The following ZNF316 variants were observed in gnomAD, a reference collection of about 807,000 sequenced individuals.
The protein encoded by ZNF316 is zinc finger protein 316.
A neutral mutation model predicts 75.6 loss-of-function variants in ZNF316; 23 were observed. The ratio of observed to expected loss-of-function variants is 0.30; its 90% CI spans 0.22 to 0.43. ZNF316 has a LOEUF of 0.43. ZNF316 is among the 20% of genes least tolerant of loss of function. The pLI is 1.00. For synonymous variants in ZNF316, 827 were observed against 666.2 expected, an observed-to-expected ratio of 1.24 and a Z score of -3.72; for missense variants, 1,266 against 1,409.4, an observed-to-expected ratio of 0.90 and a Z score of 1.63.
intron 7 of ZNF316, among the ~76,000 whole-genome samples, chr7:6,644,153 G>C (rs1779358012): frequency 6.6e-6 from 1 of 152,196 alleles, no homozygotes; most frequent in Non-Finnish European, 1.5e-5. Flanking sequence ...CCTGAGCCAG[G>C]TGACACATCT....
intron 6 of ZNF316, among the ~76,000 whole-genome samples, chr7:6,643,518 G>C (rs1779347689): frequency 6.6e-6 from 1 of 152,230 alleles, no homozygotes; most frequent in Non-Finnish European, 1.5e-5. Context: ...CCATTGCACT[G>C]GCTTGAGCCA....
intron 8 of ZNF316, among the ~76,000 whole-genome samples, chr7:6,648,041 G>A (rs1281347223): frequency 6.6e-6 from 1 of 152,234 alleles, no homozygotes; most frequent in Non-Finnish European, 1.5e-5. Flanking sequence ...AGTTAAACCA[G>A]GGCCTGGGGA....
intron 7 of ZNF316, 137 bp downstream of exon 7, chr7:6,644,085 A>T: frequency 6.1e-6 from 6 of 986,872 alleles, no homozygotes; most frequent in Non-Finnish European, 7.8e-6. Context: ...CTCCCAGGGA[A>T]GCCCTAGGAC....
In ZNF316 at chr7:6,654,484, C is replaced by T. The variant is rs1562585074; in HGVS notation, c.2888C>T (p.Pro963Leu). ...AAGCCCGAGGCGGCCGCCAAGGGGC[C>T]GTCCAGTGCCGGCCCCGGTGAGCGC... ...APKPEAAAKG[P>L]SSAGPGERGS... The change falls in exon 9 of 9, where the codon CCG becomes CTG. Residue 963 changes from proline to leucine, a missense_variant. Transcript: ENST00000382252. 20 of 1,183,754 alleles carry T rather than the reference C, an allele frequency of 1.7e-5. No individual in the cohort carries two copies. Among genetic ancestry groups the T allele is most frequent in the Admixed American group, 4.6e-5 (1 of 21,978 alleles). 73.3% of individuals were successfully genotyped at this position (1,183,754 alleles called of 1,614,324 possible).
chr7:6,652,968 C>T lies in ZNF316; in HGVS notation c.1372C>T (p.Pro458Ser). The change falls in exon 9 of 9, where the codon CCG becomes TCG. Residue 458 changes from proline to serine, a missense_variant. By Grantham distance (74) the Pro-to-Ser change is moderately conservative. Coordinates refer to ENST00000382252, the MANE Select transcript of ZNF316 (RefSeq NM_001278559.2). Reference sequence around the variant, plus strand: ...CACGCACACCGGCGAGCGACCCTACCCGTGTTCGCACTGCGGCCGCAGCTT... The same window carrying T: ...CACGCACACCGGCGAGCGACCCTACTCGTGTTCGCACTGCGGCCGCAGCTT... The part of the protein sequence containing the change: ...QRTHTGERPY[P>S]CSHCGRSFSQ... 1 of 1,241,090 alleles carries T rather than the reference C, an allele frequency of 8.1e-7. No individual in the cohort carries two copies. Among genetic ancestry groups the T allele is most frequent in the South Asian group, 3.8e-5 (1 of 26,486 alleles). 76.9% of individuals were successfully genotyped at this position (1,241,090 alleles called of 1,614,324 possible).
At chr7:6,649,973 G>T (rs1389003235) in intron 8 of ZNF316, among the ~76,000 whole-genome samples, 2 of 152,198 alleles carry the variant, frequency 1.3e-5, no homozygotes, top group Non-Finnish European at 2.9e-5. Flanking sequence ...GGGCAAGGCC[G>T]CCCTTGGCCT....
intron 8 of ZNF316, among the ~76,000 whole-genome samples, chr7:6,651,874 T>C (rs1779513517): frequency 6.6e-6 from 1 of 152,200 alleles, no homozygotes; most frequent in Admixed American, 6.5e-5. Context: ...CCAGGAGCTT[T>C]GGGGAAAACT....
In ZNF316 at chr7:6,652,563, G is replaced by T; in HGVS notation, c.967G>T (p.Gly323Cys). The change falls in exon 9 of 9, where the codon GGT (glycine) becomes TGT (cysteine). Residue 323 changes from glycine to cysteine, a missense_variant. Transcript: ENST00000382252. ...AKPFLPGREPGANLLSPWAFP... is the reference protein window; with the variant it reads ...AKPFLPGREPCANLLSPWAFP... ...GCCTTTCCTGCCCGGCCGGGAGCCG[G>T]GTGCGAACCTGCTGTCGCCCTGGGC... 1 of 1,230,990 alleles carries T rather than the reference G, an allele frequency of 8.1e-7. No individual in the cohort carries two copies. The highest frequency in any genetic ancestry group is 1.0e-6 in the Non-Finnish European group (1 of 987,408). 76.3% of individuals were successfully genotyped at this position (1,230,990 alleles called of 1,614,324 possible).
intron 6 of ZNF316, 67 bp from the exon 7 acceptor site, chr7:6,643,755 C>T (rs774061036): frequency 8.4e-5 from 103 of 1,225,900 alleles, no homozygotes; most frequent in Non-Finnish European, 1.0e-4. Context: ...GCCTCAGTGG[C>T]CTCAATCTTC....
chr7:6,645,671 G>GTCACCTGTCACAAAGTGTC (rs1779388081), intron 8 of ZNF316, among the ~76,000 whole-genome samples: 1 of 146,114 alleles, frequency 6.8e-6, no homozygotes, highest in Non-Finnish European at 1.5e-5. Flanking sequence ...GTGACAAAGT[G>GTCACCTGTCACAAAGTGTC]GGCCTCTGTC....
chr7:6,638,932 A>T (rs1779266715), intron 2 of ZNF316, 110 bp from the exon 3 acceptor site: 1 of 152,242 alleles, frequency 6.6e-6, no homozygotes, highest in African/African-American at 2.4e-5. Context: ...ACCCAGGGGG[A>T]GTTGCTGGAA....
At chr7:6,645,639 G>T (rs1330642134) in intron 8 of ZNF316, among the ~76,000 whole-genome samples, 1 of 150,442 alleles carries the variant, frequency 6.6e-6, no homozygotes, top group Non-Finnish European at 1.5e-5. Context: ...AGCCGAGGTT[G>T]TACCACTGCA....
chr7:6,648,694 C>T (rs995149882), intron 8 of ZNF316, among the ~76,000 whole-genome samples: 9 of 152,188 alleles, frequency 5.9e-5, no homozygotes, highest in African/African-American at 2.2e-4. Context: ...AGACAGAGCC[C>T]GGGCCCCCCA....
In ZNF316 at chr7:6,654,170, C is replaced by T. The variant is rs1281872093; in HGVS notation, c.2574C>T (p.Pro858=). ...GGCGCACGCACACGGGCGAGAAGCC[C>T]TTCCGCTGCGCCGACTGCGGCCGCG... is the stretch of plus-strand genomic sequence containing the variant. ...RHRRTHTGEK[P]FRCADCGRGF... Residue 858 remains proline (P), a synonymous_variant, in exon 9 of 9, where the codon CCC becomes CCT. Transcript: ENST00000382252. 6.5e-6 allele frequency: 8 copies of T among 1,222,940 alleles called. No individual in the cohort carries two copies. Among genetic ancestry groups the T allele is most frequent in the South Asian group, 7.6e-5 (2 of 26,468 alleles). 75.8% of individuals were successfully genotyped at this position (1,222,940 alleles called of 1,614,324 possible).
intron 8 of ZNF316, among the ~76,000 whole-genome samples, chr7:6,650,085 C>T (rs1779480633): frequency 6.6e-6 from 1 of 152,202 alleles, no homozygotes; most frequent in Admixed American, 6.5e-5. Flanking sequence ...ATAGTTGTTC[C>T]TAGGCTTGAA....
At chr7:6,644,404 G>A (rs1325571884) in intron 7 of ZNF316, 76 bp from the exon 8 acceptor site, 33 of 734,586 alleles carry the variant, frequency 4.5e-5, no homozygotes, top group South Asian at 1.4e-4. Flanking sequence ...GGCACTGAGC[G>A]GTGGCACAGC....
At position 6,640,939 on chromosome 7, in the gene ZNF316, G is replaced by T. The variant is rs1352989078; in HGVS notation, c.-166-886G>T. On this transcript the variant is annotated intron_variant, in intron 3 of 8. Coordinates refer to ENST00000382252, the MANE Select transcript of ZNF316 (RefSeq NM_001278559.2). This position sits in a 1 kb window ranked among gnomAD's most constrained non-coding sequence, Gnocchi z 5.1. ...AGAAACAGATGCCGGCGCCATGTTG[G>T]TGCAGCCTGTTGAACTGTGAGTGAA... 6.6e-6 allele frequency among the ~76,000 whole-genome samples: 1 copy of T among 152,194 alleles called. No individual in the cohort carries two copies. The highest frequency in any genetic ancestry group is 2.4e-5 in the African/African-American group (1 of 41,440).
chr7:6,652,095 G>A (rs1779516960), intron 8 of ZNF316, among the ~76,000 whole-genome samples: 1 of 152,178 alleles, frequency 6.6e-6, no homozygotes, highest in African/African-American at 2.4e-5. Context: ...CTAGCTGGGG[G>A]CGGCGGCTTT....
chr7:6,645,121 T>G (rs1476719593), intron 8 of ZNF316, among the ~76,000 whole-genome samples: 3 of 152,204 alleles, frequency 2.0e-5, no homozygotes, highest in Non-Finnish European at 4.4e-5. Flanking sequence ...GTGGTGAATT[T>G]CCCTGAAAGC....
Sources: gnomAD v4.1 joint callset for allele counts (sites outside exome capture counted in the v4.1 genomes callset) on GRCh38, gnomAD v4.1.1 for gene constraint, Gnocchi (gnomAD v3.1) non-coding constraint, MANE v1.5 for transcripts, NCBI Gene and HGNC (gene_info 2026-07-23, HGNC 2026-07-21) for gene names.